The following FGF13 variants were observed in gnomAD, a reference collection of about 807,000 sequenced individuals.
FGF13 encodes the protein fibroblast growth factor 13.
FGF13 carries 2 observed loss-of-function variants against 19.5 expected under a neutral mutation model. That is an observed-to-expected ratio of 0.10 (90% CI 0.04 to 0.32). The LOEUF (loss-of-function observed/expected upper bound fraction) is 0.32, where lower values mean the gene tolerates loss of function less well. Among genes scored for constraint, FGF13 ranks in the 10% least tolerant of loss-of-function variants. The probability of loss-of-function intolerance (pLI) is 1.00; values close to 1 mark genes in which losing one functional copy is unlikely to be tolerated. For synonymous variants in FGF13, 72 were observed against 76.9 expected, an observed-to-expected ratio of 0.94 and a Z score of 0.33; for missense variants, 113 against 192.7, an observed-to-expected ratio of 0.59 and a Z score of 2.45.
intron 3 of FGF13, among the ~76,000 whole-genome samples, chrX:138,757,958 T>C (rs2090441772): frequency 8.9e-6 from 1 of 111,993 alleles, no homozygotes; most frequent in Non-Finnish European, 1.9e-5. Flanking sequence ...GGGTAGGAAT[T>C]GAACTCAGGT....
chrX:138,977,694 A>T (rs2091945411), intron 1 of FGF13, among the ~76,000 whole-genome samples: 1 of 112,105 alleles, frequency 8.9e-6, no homozygotes, highest in Admixed American at 9.5e-5. Context: ...ATGAAGGAGG[A>T]TACCACAGAT....
intron 1 of FGF13, among the ~76,000 whole-genome samples, chrX:138,993,135 G>T (rs1037118219): frequency 1.8e-5 from 2 of 111,864 alleles, no homozygotes; most frequent in Non-Finnish European, 3.8e-5. Flanking sequence ...GGTCATGAAA[G>T]ACAAGAAAAG....
At chrX:138,739,255 C>A in exon 1 of FGF13, 1 of 1,155,827 alleles carries the variant, frequency 8.7e-7, no homozygotes, top group East Asian at 3.0e-5. Context: ...AATACGACTT[C>A]CTTAACAAAG....
chrX:139,066,683 A>T (rs1405226781), intron 1 of FGF13, among the ~76,000 whole-genome samples: 2 of 111,492 alleles, frequency 1.8e-5, no homozygotes, highest in Non-Finnish European at 1.9e-5. Flanking sequence ...TCACAGCCGA[A>T]TTCTACCAGA....
chrX:138,970,588 C>CA (rs765773989), intron 1 of FGF13, among the ~76,000 whole-genome samples: 1 of 111,581 alleles, frequency 9.0e-6, no homozygotes, highest in African/African-American at 3.3e-5. Context: ...CAATTGTTTC[C>CA]AATTATACCT....
chrX:138,867,473 T>A (rs2091333151), intron 1 of FGF13, among the ~76,000 whole-genome samples: 2 of 109,229 alleles, frequency 1.8e-5, no homozygotes, highest in Admixed American at 2.0e-4. Context: ...GGAAAGGAGG[T>A]TTAATGGACT....
chrX:139,068,054 C>T (rs5974790), intron 1 of FGF13, among the ~76,000 whole-genome samples: 5,987 of 94,080 alleles, frequency 0.064, 344 homozygotes, highest in African/African-American at 0.16. Flanking sequence ...ACATGAAGTC[C>T]TTGCCCATGC....
intron 1 of FGF13, among the ~76,000 whole-genome samples, chrX:138,890,316 C>T (rs762073950): frequency 9.0e-6 from 1 of 111,574 alleles, no homozygotes; most frequent in Non-Finnish European, 1.9e-5. Flanking sequence ...TTTGTAGTAC[C>T]TGTTATGTGG....
At chrX:138,992,109 T>C (rs200427184) in intron 1 of FGF13, among the ~76,000 whole-genome samples, 1 of 10,420 alleles carries the variant, frequency 9.6e-5, no homozygotes, top group African/African-American at 2.1e-4. Context: ...TATATATACA[T>C]GTGTGTGTGT....
intron 1 of FGF13, among the ~76,000 whole-genome samples, chrX:138,911,854 C>T (rs1410802928): frequency 1.8e-5 from 2 of 111,553 alleles, no homozygotes; most frequent in Non-Finnish European, 3.8e-5. Context: ...AGAATAACAC[C>T]CTGTCTCAGA....
rs17538851 is a variant in FGF13, at chrX:138,702,450, G to C, written c.402+534C>G. On this transcript the variant is annotated intron_variant, in intron 3 of 4. Coordinates refer to ENST00000315930, the MANE Select transcript of FGF13 (RefSeq NM_004114.5). ...GTTCACTCCAAAGTTACAAGAAAAA[G>C]ACAAGCAGGAATTTATAGGTAAGGA... Among the ~76,000 whole-genome samples, 921 of 111,474 alleles carry C rather than the reference G, an allele frequency of 8.3e-3. 8 individuals carry two copies. Among genetic ancestry groups the C allele is most frequent in the South Asian group, 0.018 (49 of 2,682 alleles).
In FGF13 at chrX:138,727,844, A is replaced by G. The variant is rs759571079; in HGVS notation, c.28+11398T>C. The stretch of plus-strand genomic sequence containing the variant: ...ATATGTTCTGCAATTTCATGCTTTC[A>G]TCTTTGGACATTAATTTCATGTAAC... On this transcript the variant is annotated intron_variant, in intron 1 of 4. Transcript: ENST00000305414. Among the ~76,000 whole-genome samples the G allele has an allele frequency of 4.5e-5, 5 of 111,928 alleles. No homozygotes were observed. The South Asian group carries it at 1.8e-3, about 41-fold the overall frequency.
At chrX:139,126,666 G>A (rs912654912) in intron 1 of FGF13, among the ~76,000 whole-genome samples, 14 of 111,584 alleles carry the variant, frequency 1.3e-4, no homozygotes, top group African/African-American at 4.2e-4. Flanking sequence ...ATGTCCCGTC[G>A]GCAAGAATAA....
At chrX:138,823,128 G>A (rs763155886) in intron 3 of FGF13, among the ~76,000 whole-genome samples, 2 of 111,569 alleles carry the variant, frequency 1.8e-5, no homozygotes, top group East Asian at 5.7e-4. Flanking sequence ...GGATTGTCAA[G>A]TGGTCCAATG....
chrX:138,635,715 T>A, intron 3 of FGF13, 60 bp from the exon 4 acceptor site: 1 of 935,346 alleles, frequency 1.1e-6, no homozygotes, highest in Non-Finnish European at 1.5e-6. Flanking sequence ...TCCTGTAGAA[T>A]CATGTGGTAT....
At chrX:139,160,310 G>A (rs1307666219) in intron 1 of FGF13, among the ~76,000 whole-genome samples, 3 of 111,881 alleles carry the variant, frequency 2.7e-5, no homozygotes, top group East Asian at 2.8e-4. Context: ...AAGACACAAC[G>A]TAACACAATC....
intron 1 of FGF13, among the ~76,000 whole-genome samples, chrX:139,097,387 T>A (rs2083477346): frequency 9.0e-6 from 1 of 111,380 alleles, no homozygotes; most frequent in East Asian, 2.8e-4. Flanking sequence ...TTCAAAGCCA[T>A]CCTGGGCCAC....
In FGF13 at chrX:138,921,501, C is replaced by T. The variant is rs187720557; in HGVS notation, c.-112-56851G>A. Among the ~76,000 whole-genome samples the T allele has an allele frequency of 9.8e-5, 11 of 111,922 alleles. No individual in the cohort carries two copies. The East Asian group carries it at 3.1e-3, about 31-fold the overall frequency. On this transcript the variant is annotated intron_variant, in intron 1 of 2. Coordinates refer to the FGF13 transcript ENST00000421460. ...TGAATAGGTATTATAAGAAATGCTA[C>T]CAAGTTCCTTAGTGTGAGTCCTACA...
chrX:138,775,561 T>A (rs1345896844), intron 3 of FGF13, among the ~76,000 whole-genome samples: 1 of 111,945 alleles, frequency 8.9e-6, no homozygotes. Context: ...TCTTATCTCG[T>A]CTCTCATTTA....
Sources: gnomAD v4.1 joint callset for allele counts (sites outside exome capture counted in the v4.1 genomes callset) on GRCh38, gnomAD v4.1.1 for gene constraint, MANE v1.5 for transcripts, NCBI Gene and HGNC (gene_info 2026-07-23, HGNC 2026-07-21) for gene names.